The following NTM variants were observed in gnomAD, a reference collection of about 807,000 sequenced individuals.
NTM encodes IgLON family member 2.
In NTM, 13 loss-of-function variants were observed where a neutral mutation model predicts 42.1. The observed-to-expected ratio is 0.31, with a 90% CI of 0.20 to 0.49. The LOEUF (loss-of-function observed/expected upper bound fraction) is 0.49, where lower values mean the gene tolerates loss of function less well. NTM is among the 20% of genes least tolerant of loss of function. The probability of loss-of-function intolerance (pLI) is 0.99; values close to 1 mark genes in which losing one functional copy is unlikely to be tolerated. For missense variants in NTM, 373 were observed against 452.8 expected, an observed-to-expected ratio of 0.82 and a Z score of 1.60; for synonymous variants, 187 against 179.2, an observed-to-expected ratio of 1.04 and a Z score of -0.35.
intron 4 of NTM, among the ~76,000 whole-genome samples, chr11:132,241,943 G>A (rs2090273695): frequency 6.6e-6 from 1 of 152,204 alleles, no homozygotes; most frequent in Non-Finnish European, 1.5e-5. Context: ...GTATGTGTGT[G>A]CTGTGTTTTC....
At chr11:131,553,658 A>G (rs1007982850) in intron 1 of NTM, among the ~76,000 whole-genome samples, 8 of 152,162 alleles carry the variant, frequency 5.3e-5, no homozygotes, top group East Asian at 1.9e-4. Flanking sequence ...TCTTTAACCT[A>G]TATTACGGCA....
At chr11:132,238,909 A>G (rs1319127898) in intron 4 of NTM, among the ~76,000 whole-genome samples, 2 of 152,194 alleles carry the variant, frequency 1.3e-5, no homozygotes, top group Non-Finnish European at 2.9e-5. Flanking sequence ...TTGTTTCTCT[A>G]AGAAATGTCT....
At chr11:131,547,938 G>A (rs1236177510) in intron 1 of NTM, among the ~76,000 whole-genome samples, 1 of 152,102 alleles carries the variant, frequency 6.6e-6, no homozygotes, top group Non-Finnish European at 1.5e-5. Flanking sequence ...TGCCTAGGAG[G>A]CGTCCGAATA....
At chr11:131,752,424 C>A (rs183703063) in intron 1 of NTM, among the ~76,000 whole-genome samples, 101 of 152,338 alleles carry the variant, frequency 6.6e-4, no homozygotes, top group Non-Finnish European at 1.3e-3. Context: ...AATAGGAACA[C>A]TTTTACATCG....
At chr11:131,740,049 G>C (rs577797665) in intron 1 of NTM, among the ~76,000 whole-genome samples, 1 of 152,120 alleles carries the variant, frequency 6.6e-6, no homozygotes, top group East Asian at 1.9e-4. Flanking sequence ...ACTTTACTGC[G>C]CAGATTGCTG....
chr11:131,542,427 A>G (rs1204317353), intron 1 of NTM, among the ~76,000 whole-genome samples: 1 of 152,182 alleles, frequency 6.6e-6, no homozygotes, highest in Non-Finnish European at 1.5e-5. Context: ...GCCATTTTCC[A>G]GACGCTCCCA....
chr11:132,177,357 C>T (rs2076975810), intron 3 of NTM, among the ~76,000 whole-genome samples: 1 of 152,180 alleles, frequency 6.6e-6, no homozygotes, highest in African/African-American at 2.4e-5. Context: ...AATATTATAG[C>T]TCAGCAGTGG....
At chr11:132,072,401 G>A (rs1050050395) in intron 2 of NTM, among the ~76,000 whole-genome samples, 1 of 152,124 alleles carries the variant, frequency 6.6e-6, no homozygotes, top group Admixed American at 6.5e-5. Context: ...GAACAATAAG[G>A]GTTCTCAAAC....
Position 132,165,642 on chromosome 11 carries a change from G to A in NTM, c.400+19128G>A, listed in dbSNP as rs1272309408. Among the ~76,000 whole-genome samples, 4 of 152,240 alleles carry A rather than the reference G, an allele frequency of 2.6e-5. No homozygotes were observed. In the East Asian group the frequency reaches 7.7e-4, roughly 29 times the overall value. On this transcript the variant is annotated intron_variant, in intron 3 of 8. Coordinates refer to ENST00000683400, the MANE Select transcript of NTM (RefSeq NM_001352005.2). The stretch of plus-strand genomic sequence containing the variant: ...AGGTGAGGAAACTGAGGCTCAGGGG[G>A]GGTTTAGTCTTGCTGAAGATCATCC...
intron 1 of NTM, among the ~76,000 whole-genome samples, chr11:131,879,510 A>C (rs1315955154): frequency 6.6e-6 from 1 of 152,172 alleles, no homozygotes; most frequent in Non-Finnish European, 1.5e-5. Context: ...TAAACTTATT[A>C]GGTGAATTCA....
At chr11:131,620,230 C>T (rs1268297541) in intron 1 of NTM, among the ~76,000 whole-genome samples, 1 of 152,124 alleles carries the variant, frequency 6.6e-6, no homozygotes, top group Non-Finnish European at 1.5e-5. Context: ...AGACATTTTC[C>T]CTGATTTCTA....
intron 1 of NTM, among the ~76,000 whole-genome samples, chr11:131,792,773 T>C (rs1392590245): frequency 6.6e-6 from 1 of 152,238 alleles, no homozygotes; most frequent in Non-Finnish European, 1.5e-5. Flanking sequence ...GGCTTTCCAG[T>C]TAAGAAGAGT....
chr11:132,149,459 C>G (rs1004158784), intron 3 of NTM, among the ~76,000 whole-genome samples: 4 of 152,144 alleles, frequency 2.6e-5, no homozygotes, highest in Admixed American at 2.6e-4. Flanking sequence ...AATTGATATT[C>G]TGCCCATGAG....
intron 1 of NTM, among the ~76,000 whole-genome samples, chr11:131,384,956 C>G (rs1308998879): frequency 6.6e-6 from 1 of 152,220 alleles, no homozygotes; most frequent in Non-Finnish European, 1.5e-5. Flanking sequence ...GGACCTGTTG[C>G]ACATGGCCTT....
intron 3 of NTM, among the ~76,000 whole-genome samples, chr11:132,189,681 A>C (rs1417330117): frequency 6.6e-6 from 1 of 150,922 alleles, no homozygotes; most frequent in Admixed American, 6.6e-5. Flanking sequence ...CACACACGAT[A>C]CTTGAGTGCC....
intron 2 of NTM, among the ~76,000 whole-genome samples, chr11:132,041,058 A>G (rs955888077): frequency 1.3e-5 from 2 of 152,230 alleles, no homozygotes; most frequent in African/African-American, 2.4e-5. Flanking sequence ...TAAAATAAGC[A>G]TGCTGGAGTC....
intron 1 of NTM, among the ~76,000 whole-genome samples, chr11:131,815,775 G>A (rs772907544): frequency 6.6e-6 from 1 of 152,160 alleles, no homozygotes; most frequent in Non-Finnish European, 1.5e-5. Context: ...AGCTGACCCT[G>A]ATAGAAATAC....
intron 3 of NTM, among the ~76,000 whole-genome samples, chr11:132,180,437 G>A (rs73595484): frequency 0.028 from 4,298 of 152,160 alleles, 183 homozygotes; most frequent in African/African-American, 0.095. Context: ...GGAAAAAAAG[G>A]CACTTCAATC....
chr11:131,818,053 C>A (rs73579944), intron 1 of NTM, among the ~76,000 whole-genome samples: 8,021 of 152,282 alleles, frequency 0.053, 291 homozygotes, highest in South Asian at 0.081. Flanking sequence ...ACACTTGACA[C>A]ACATCAGCGG....
Sources: allele counts gnomAD v4.1 joint callset (sites outside exome capture counted in the v4.1 genomes callset), GRCh38; gene constraint gnomAD v4.1.1; transcripts MANE v1.5; gene names NCBI Gene and HGNC (gene_info 2026-07-23, HGNC 2026-07-21).